The following P2RY10 variants were observed in gnomAD, a reference collection of about 807,000 sequenced individuals.
The protein encoded by P2RY10 is P2Y receptor family member 10.
A neutral mutation model predicts 12.1 loss-of-function variants in P2RY10; 4 were observed. That is an observed-to-expected ratio of 0.33 (90% CI 0.16 to 0.76). P2RY10 has a LOEUF of 0.76. P2RY10 is among the 30% of genes least tolerant of loss of function. The pLI is 0.61. For missense variants in P2RY10, 233 were observed against 264.6 expected, an observed-to-expected ratio of 0.88 and a Z score of 0.83; for synonymous variants, 112 against 94.1, an observed-to-expected ratio of 1.19 and a Z score of -1.10.
intron 3 of P2RY10, among the ~76,000 whole-genome samples, chrX:78,957,964 G>A (rs1922426912): frequency 8.9e-6 from 1 of 112,178 alleles, no homozygotes; most frequent in Non-Finnish European, 1.9e-5. Context: ...TGTGACTGCA[G>A]GAGAGTAAGG....
At chrX:78,959,297 C>CCT (rs369165174) in intron 3 of P2RY10, among the ~76,000 whole-genome samples, 44 of 110,971 alleles carry the variant, frequency 4.0e-4, no homozygotes, top group African/African-American at 1.4e-3. Flanking sequence ...ATAATAAACT[C>CCT]CTCTCTCTGG....
In P2RY10 at chrX:78,962,688, TAAG is replaced by T. The variant is rs772325214; in HGVS notation, c.*1149_*1151del. Among the ~76,000 whole-genome samples, 2 of 110,567 alleles carry T rather than the reference TAAG, an allele frequency of 1.8e-5. No individual in the cohort carries two copies. The highest frequency in any genetic ancestry group is 3.8e-5 in the Non-Finnish European group (2 of 52,902). ...GTTCCAAGGTAGAGAATCCTGATGA[TAAG>T]GAGTATAGGAAACTCAAATAGTTCA... On this transcript the variant is annotated 3_prime_UTR_variant, in exon 4 of 4. Transcript: ENST00000171757.
chrX:78,956,985 A>G (rs1228902708), intron 3 of P2RY10, among the ~76,000 whole-genome samples: 1 of 111,518 alleles, frequency 9.0e-6, no homozygotes, highest in African/African-American at 3.3e-5. Context: ...CTGTTGCAAT[A>G]GCCAATAGGG....
intron 3 of P2RY10, among the ~76,000 whole-genome samples, chrX:78,954,990 C>T (rs774652013): frequency 1.3e-4 from 14 of 111,516 alleles, no homozygotes; most frequent in African/African-American, 3.3e-4. Flanking sequence ...TCTCCATCAG[C>T]GGCAGAAAAC....
Position 78,961,827 on chromosome X carries a change from G to A in P2RY10, c.*287G>A, listed in dbSNP as rs1922640905. The A allele has an allele frequency of 4.4e-6, 1 of 225,322 alleles. No individual in the cohort carries two copies. Among genetic ancestry groups the A allele is most frequent in the Non-Finnish European group, 8.3e-6 (1 of 120,394 alleles). 18.6% of individuals were successfully genotyped at this position (225,322 alleles called of 1,213,427 possible). A position where few individuals can be genotyped will look rare whatever the true frequency, so the allele number is the denominator to read the frequency against. On this transcript the variant is annotated 3_prime_UTR_variant, in exon 4 of 4. Coordinates refer to ENST00000171757, the MANE Select transcript of P2RY10 (RefSeq NM_014499.4). ...TACAGATGTAAATAAAAGTTGAATAGTTTACCTTAAATTTTTTTCAATAAG... is the reference window on the plus strand; with the variant it reads ...TACAGATGTAAATAAAAGTTGAATAATTTACCTTAAATTTTTTTCAATAAG...
Position 78,962,546 on chromosome X carries a change from G to A in P2RY10, c.*1006G>A, listed in dbSNP as rs893186225. 5.4e-5 allele frequency among the ~76,000 whole-genome samples: 6 copies of A among 111,580 alleles called. No individual in the cohort carries two copies. Among genetic ancestry groups the A allele is most frequent in the Admixed American group, 9.5e-5 (1 of 10,484 alleles). The stretch of plus-strand genomic sequence containing the variant: ...TAAAGCTAAGCCACATGAGATCAAG[G>A]CCATTTCAACATGGTTTGCCTGGAA... On this transcript the variant is annotated 3_prime_UTR_variant, in exon 4 of 4. Transcript: ENST00000171757.
chrX:78,946,472 A>G (rs966996748), intron 1 of P2RY10, among the ~76,000 whole-genome samples: 3 of 112,162 alleles, frequency 2.7e-5, no homozygotes, highest in African/African-American at 9.7e-5. Flanking sequence ...TGGAACCAGG[A>G]TAAGGCTGGA....
chrX:78,953,081 T>A (rs913542450), intron 3 of P2RY10, among the ~76,000 whole-genome samples: 1 of 112,485 alleles, frequency 8.9e-6, no homozygotes, highest in Non-Finnish European at 1.9e-5. Context: ...AACAGGATAA[T>A]TGAGCCATTT....
chrX:78,957,559 C>T (rs1268520533), intron 3 of P2RY10, among the ~76,000 whole-genome samples: 2 of 110,877 alleles, frequency 1.8e-5, no homozygotes, highest in Non-Finnish European at 3.8e-5. Flanking sequence ...GCTAAGTGTT[C>T]CCTCTAAGAG....
chrX:78,960,420 T>C lies in P2RY10; in HGVS notation c.-13-88T>C, dbSNP rs1922550290. The C allele has an allele frequency of 4.6e-6, 3 of 659,298 alleles. No individual in the cohort carries two copies. In the Admixed American group the frequency reaches 1.0e-4, roughly 23 times the overall value. 54.3% of individuals were successfully genotyped at this position (659,298 alleles called of 1,213,427 possible). ...TGTCTCTTCTAATTCTAATAGTCTGTGCCTCTGTAAGTATAAAAGAGAGAT... is the reference window on the plus strand; with the variant it reads ...TGTCTCTTCTAATTCTAATAGTCTGCGCCTCTGTAAGTATAAAAGAGAGAT... On this transcript the variant is annotated intron_variant, in intron 3 of 3. Transcript: ENST00000171757.
At position 78,952,239 on chromosome X, in the gene P2RY10, AAC is replaced by A. The variant is rs1922138448; in HGVS notation, c.-108_-107del. 1.3e-6 allele frequency: 1 copy of A among 747,412 alleles called. No homozygotes were observed. Among genetic ancestry groups the A allele is most frequent in the Non-Finnish European group, 1.6e-6 (1 of 633,001 alleles). The allele number at this position is 747,412 out of a possible 1,213,427, so 61.6% of individuals were successfully genotyped here. ...TTCCCTTCAGGATTTGGCACTCACC[AAC>A]ATACCCTTCTTTCAAGTGAAAAGGC... On this transcript the variant is annotated 5_prime_UTR_variant, in exon 3 of 4. An upstream open reading frame in the 5' UTR loses its in-frame stop. Transcript: ENST00000171757.
At position 78,952,241 on chromosome X, in the gene P2RY10, C is replaced by T. The variant is rs778705402; in HGVS notation, c.-108C>T. 4.0e-5 allele frequency: 30 copies of T among 745,632 alleles called. No homozygotes were observed. In the African/African-American group the frequency reaches 6.7e-4, roughly 17 times the overall value. 61.4% of individuals were successfully genotyped at this position (745,632 alleles called of 1,213,427 possible). On this transcript the variant is annotated 5_prime_UTR_variant, in exon 3 of 4. Coordinates refer to ENST00000171757, the MANE Select transcript of P2RY10 (RefSeq NM_014499.4). ...CCCTTCAGGATTTGGCACTCACCAA[C>T]ATACCCTTCTTTCAAGTGAAAAGGC... is the stretch of plus-strand genomic sequence containing the variant.
At chrX:78,949,008 C>T (rs911730807) in intron 2 of P2RY10, among the ~76,000 whole-genome samples, 3 of 111,763 alleles carry the variant, frequency 2.7e-5, no homozygotes, top group Admixed American at 9.5e-5. Flanking sequence ...ACATTTCTAC[C>T]AGCAGTGTAG....
At chrX:78,951,078 G>T in intron 2 of P2RY10, among the ~76,000 whole-genome samples, 1 of 111,795 alleles carries the variant, frequency 8.9e-6, no homozygotes, top group Admixed American at 9.5e-5. Context: ...CTGTAACTTT[G>T]TGAAAACCAC....
At chrX:78,953,481 A>G (rs1469962600) in intron 3 of P2RY10, among the ~76,000 whole-genome samples, 1 of 112,446 alleles carries the variant, frequency 8.9e-6, no homozygotes, top group African/African-American at 3.2e-5. Context: ...GATTATCAGC[A>G]GAAGTGAATG....
At chrX:78,950,283 A>G (rs1922048929) in intron 2 of P2RY10, among the ~76,000 whole-genome samples, 1 of 111,038 alleles carries the variant, frequency 9.0e-6, no homozygotes, top group Non-Finnish European at 1.9e-5. Context: ...CAGAGGGGGA[A>G]TTCTCATGAA....
In P2RY10 at chrX:78,960,502, G is replaced by T. The variant is rs754567348; in HGVS notation, c.-13-6G>T. The T allele has an allele frequency of 7.6e-6, 9 of 1,190,258 alleles. No individual in the cohort carries two copies. Among genetic ancestry groups the T allele is most frequent in the Middle Eastern group, 2.4e-4 (1 of 4,245 alleles). On this transcript the variant is annotated splice_region_variant and splice_polypyrimidine_tract_variant and intron_variant, in intron 3 of 3. Transcript: ENST00000171757. Reference sequence around the variant, plus strand: ...TTTACTCTTTATTTTGTTTTACTTTGGGCAGGAACCATAAATCCATGGCTA... The same window carrying T: ...TTTACTCTTTATTTTGTTTTACTTTTGGCAGGAACCATAAATCCATGGCTA...
In P2RY10 at chrX:78,962,206, G is replaced by A. The variant is rs967437415; in HGVS notation, c.*666G>A. Among the ~76,000 whole-genome samples the A allele has an allele frequency of 9.0e-6, 1 of 110,643 alleles. No homozygotes were observed. The highest frequency in any genetic ancestry group is 1.9e-5 in the Non-Finnish European group (1 of 52,920). ...TTACATGAGTAAGTTCTTTAGTGGT[G>A]ATTTGTGAGATTTTGGTGCAGCCAT... On this transcript the variant is annotated 3_prime_UTR_variant, in exon 4 of 4. Transcript: ENST00000171757.
chrX:78,951,989 C>T (rs1343619114), intron 2 of P2RY10, among the ~76,000 whole-genome samples: 3 of 111,798 alleles, frequency 2.7e-5, no homozygotes, highest in African/African-American at 9.8e-5. Flanking sequence ...TCATTCAGCT[C>T]CCACTTATAA....
Sources: gnomAD v4.1 joint callset for allele counts (sites outside exome capture counted in the v4.1 genomes callset) on GRCh38, gnomAD v4.1.1 for gene constraint, MANE v1.5 for transcripts, NCBI Gene and HGNC (gene_info 2026-07-23, HGNC 2026-07-21) for gene names.